The following CALN1 variants were observed in gnomAD, a reference collection of about 807,000 sequenced individuals.
The protein encoded by CALN1 is calneuron 1, also known as calcium-binding protein 8.
Under a neutral mutation model 30.6 loss-of-function variants are expected in CALN1, and 17 were observed. The ratio of observed to expected loss-of-function variants is 0.56; its 90% CI spans 0.38 to 0.83. The LOEUF is 0.83. Among genes scored for constraint, CALN1 ranks in the 40% least tolerant of loss-of-function variants. CALN1 has a pLI of 0.00. For synonymous variants in CALN1, 156 were observed against 131.4 expected, an observed-to-expected ratio of 1.19 and a Z score of -1.28; for missense variants, 291 against 354.9, an observed-to-expected ratio of 0.82 and a Z score of 1.45.
the CALN1 span, among the ~76,000 whole-genome samples, chr7:72,459,204 G>A: frequency 3.3e-5 from 5 of 152,042 alleles, no homozygotes; most frequent in East Asian, 7.7e-4. Flanking sequence ...GCGCCTGGTC[G>A]TATATTTCTA....
At chr7:72,467,249 C>A in the CALN1 span, among the ~76,000 whole-genome samples, 1 of 152,196 alleles carries the variant, frequency 6.6e-6, no homozygotes, top group Admixed American at 6.5e-5. Flanking sequence ...CCTGGAGCTG[C>A]CAAAGAGGTC....
intron 2 of CALN1, among the ~76,000 whole-genome samples, chr7:72,362,740 C>T (rs1331087795): frequency 1.3e-5 from 2 of 152,186 alleles, no homozygotes; most frequent in Admixed American, 1.3e-4. Flanking sequence ...GACTCTCCCC[C>T]TCCTGCAGCC....
At chr7:71,995,830 C>T (rs1363598592) in intron 5 of CALN1, among the ~76,000 whole-genome samples, 1 of 149,970 alleles carries the variant, frequency 6.7e-6, no homozygotes, top group Non-Finnish European at 1.5e-5. Flanking sequence ...AGATTGGAGG[C>T]AACAGTATAG....
At chr7:72,333,635 C>G (rs1168979852) in intron 2 of CALN1, among the ~76,000 whole-genome samples, 1 of 150,892 alleles carries the variant, frequency 6.6e-6, no homozygotes, top group Non-Finnish European at 1.5e-5. Context: ...TCTGACTACA[C>G]CAGCTGAAGT....
chr7:71,956,635 T>G (rs1338838940), intron 5 of CALN1, among the ~76,000 whole-genome samples: 1 of 151,440 alleles, frequency 6.6e-6, no homozygotes, highest in Non-Finnish European at 1.5e-5. Context: ...CAATTTAAAG[T>G]TTTGATTGTA....
intron 3 of CALN1, among the ~76,000 whole-genome samples, chr7:72,275,242 G>C (rs1395609082): frequency 1.3e-5 from 2 of 152,052 alleles, no homozygotes; most frequent in East Asian, 3.9e-4. Context: ...TCAACTCCCA[G>C]TGCAGCACCA....
At chr7:72,173,836 T>C (rs1336985263) in intron 3 of CALN1, among the ~76,000 whole-genome samples, 1 of 151,880 alleles carries the variant, frequency 6.6e-6, no homozygotes, top group African/African-American at 2.4e-5. Flanking sequence ...CTATAAAACA[T>C]TGGGAACAAA....
intron 1 of CALN1, among the ~76,000 whole-genome samples, chr7:72,435,150 A>G (rs1238681001): frequency 6.6e-6 from 1 of 151,924 alleles, no homozygotes; most frequent in Non-Finnish European, 1.5e-5. Flanking sequence ...TGGGAGGATC[A>G]CTTGAGCCTA....
chr7:71,925,466 AC>A (rs964821450), intron 5 of CALN1, among the ~76,000 whole-genome samples: 1 of 119,468 alleles, frequency 8.4e-6, no homozygotes, highest in African/African-American at 3.0e-5. Flanking sequence ...TGTTCTCAAA[AC>A]CCCCCTCCTA....
the CALN1 span, among the ~76,000 whole-genome samples, chr7:72,464,475 T>C: frequency 2.0e-5 from 3 of 152,330 alleles, no homozygotes; most frequent in Non-Finnish European, 4.4e-5. Flanking sequence ...ATTAGCCACC[T>C]GCATCCCAAG....
chr7:72,047,183 A>G (rs1332705850), intron 4 of CALN1, among the ~76,000 whole-genome samples: 1 of 152,228 alleles, frequency 6.6e-6, no homozygotes, highest in East Asian at 1.9e-4. Flanking sequence ...ATTATTCACT[A>G]TCAGAGACAG....
chr7:72,336,243 G>A (rs965496243), intron 2 of CALN1, among the ~76,000 whole-genome samples: 1 of 152,168 alleles, frequency 6.6e-6, no homozygotes, highest in Admixed American at 6.5e-5. Flanking sequence ...TTCGCGAAGA[G>A]ACCTGGTTGC....
the CALN1 span, among the ~76,000 whole-genome samples, chr7:72,454,922 C>A: frequency 6.6e-6 from 1 of 151,910 alleles, no homozygotes; most frequent in Non-Finnish European, 1.5e-5. Context: ...AACCCCACCT[C>A]CCGGGTTCAA....
chr7:71,790,349 A>AG (rs1296995719), intron 6 of CALN1, among the ~76,000 whole-genome samples: 2 of 101,362 alleles, frequency 2.0e-5, no homozygotes, highest in Non-Finnish European at 4.2e-5. Context: ...AAAGAAAGAA[A>AG]AGAAAGAAAG....
At chr7:71,833,028 C>T (rs1789385613) in intron 5 of CALN1, among the ~76,000 whole-genome samples, 1 of 152,208 alleles carries the variant, frequency 6.6e-6, no homozygotes, top group South Asian at 2.1e-4. Flanking sequence ...TTTCTTTCAT[C>T]CATGGGTTTT....
chr7:72,409,668 G>A (rs1585689924), intron 1 of CALN1, among the ~76,000 whole-genome samples: 2 of 151,988 alleles, frequency 1.3e-5, no homozygotes, highest in African/African-American at 4.8e-5. Context: ...TAATGTTTGG[G>A]AATGGAGAGG....
chr7:72,128,048 T>C (rs1808889649), intron 3 of CALN1, among the ~76,000 whole-genome samples: 1 of 152,188 alleles, frequency 6.6e-6, no homozygotes, highest in Non-Finnish European at 1.5e-5. Flanking sequence ...AACTCAGTCT[T>C]TGGGTATGTT....
intron 5 of CALN1, among the ~76,000 whole-genome samples, chr7:71,842,342 T>A (rs1243313399): frequency 6.6e-5 from 10 of 152,216 alleles, no homozygotes; most frequent in Non-Finnish European, 1.5e-5. Context: ...TTACTCCAAT[T>A]CACTGGATGC....
At chr7:72,177,749 A>AGG (rs57392713) in intron 3 of CALN1, among the ~76,000 whole-genome samples, 12,063 of 120,034 alleles carry the variant, frequency 0.1, 1,103 homozygotes, top group East Asian at 0.4. Context: ...TGGGCGACAG[A>AGG]GGGAAAAAAA....
Sources: allele counts gnomAD v4.1 joint callset (sites outside exome capture counted in the v4.1 genomes callset), GRCh38; gene constraint gnomAD v4.1.1; transcripts MANE v1.5; gene names NCBI Gene and HGNC (gene_info 2026-07-23, HGNC 2026-07-21).